The following FRMPD3 variants were observed in gnomAD, a reference collection of about 807,000 sequenced individuals.
FRMPD3 encodes the protein FERM and PDZ domain-containing protein 3.
Under a neutral mutation model 97.9 loss-of-function variants are expected in FRMPD3, and 42 were observed. That is an observed-to-expected ratio of 0.43 (90% confidence interval 0.34 to 0.55). The LOEUF (loss-of-function observed/expected upper bound fraction) is 0.55. Among genes scored for constraint, FRMPD3 ranks in the 20% least tolerant of loss-of-function variants. The pLI, the probability that FRMPD3 is intolerant of heterozygous loss-of-function variation, is 0.03. For synonymous variants in FRMPD3, 577 were observed against 581.1 expected (o/e 0.99, Z 0.10); for missense variants, 1,303 against 1,457.7 (o/e 0.89, Z 1.73).
At chrX:107,599,192 G>C in intron 14 of FRMPD3, among the ~76,000 whole-genome samples, 1 of 109,871 alleles carries the variant, frequency 9.1e-6, no homozygotes, top group Non-Finnish European at 1.9e-5. Context: ...AGAATCGCTT[G>C]AACCTGAGAG....
chrX:107,492,450 A>C (rs1181727375), intron 1 of FRMPD3, among the ~76,000 whole-genome samples: 1 of 111,838 alleles, frequency 8.9e-6, no homozygotes, highest in African/African-American at 3.3e-5. Context: ...AGAGATTAAT[A>C]GGTACCATGG....
At chrX:107,587,089 T>G (rs1299344709) in intron 13 of FRMPD3, among the ~76,000 whole-genome samples, 1 of 111,863 alleles carries the variant, frequency 8.9e-6, no homozygotes, top group Non-Finnish European at 1.9e-5. Flanking sequence ...AGTCTAAGTC[T>G]CTTCGTAGGT....
At position 107,602,440 on chromosome X, in the gene FRMPD3, C is replaced by T. The variant is rs367580716; in HGVS notation, c.4401C>T (p.Ala1467=). 5.0e-4 allele frequency: 605 copies of T among 1,209,369 alleles called. No individual in the cohort carries two copies. The highest frequency in any genetic ancestry group is 6.4e-4 in the Non-Finnish European group (573 of 894,876). The change falls in exon 15 of 15, where the codon GCC becomes GCT. Residue 1467 remains alanine (A), a synonymous_variant. Coordinates refer to ENST00000683843, the MANE Select transcript of FRMPD3 (RefSeq NM_001388459.1). ...AGACCAAAGGCCCCAGACAGATGGC[C>T]GTGTTCTCACTGCCCGAGGAGGTGT... is the stretch of plus-strand genomic sequence containing the variant. ...APETKGPRQM[A]VFSLPEEVYR... is the part of the protein sequence containing the mutation.
chrX:107,597,232 C>A, intron 13 of FRMPD3, 89 bp from the exon 14 acceptor site: 1 of 812,875 alleles, frequency 1.2e-6, no homozygotes, highest in Non-Finnish European at 1.8e-6. Flanking sequence ...CTTGATTGTG[C>A]TACAGAGACA....
rs773231357 is a variant in FRMPD3, at chrX:107,466,989, GGT to G, written c.-8+17018_-8+17019del. ...TCTGTTGAAATTGAGACAGGTTGGAGGTGTGTGTGTGTGTGTGTGTGTGTGTG... is the reference window on the plus strand; with the variant it reads ...TCTGTTGAAATTGAGACAGGTTGGAGGTGTGTGTGTGTGTGTGTGTGTGTG... On this transcript the variant is annotated intron_variant, in intron 1 of 14. Transcript: ENST00000683843. 5.3e-3 allele frequency among the ~76,000 whole-genome samples: 518 copies of G among 97,966 alleles called. 2 individuals carry two copies. Among genetic ancestry groups the G allele is most frequent in the African/African-American group, 0.012 (297 of 24,456 alleles). The allele number at this position is 97,966 out of a possible 115,157, so 85.1% of individuals were successfully genotyped here.
chrX:107,603,680 A>C lies in FRMPD3; in HGVS notation c.*307A>C. ...CTCTTCTCTGGGGCTGAGAGGTGACATCAGGCTCACTTCCTGCTCAATCCG... is the reference window on the plus strand; with the variant it reads ...CTCTTCTCTGGGGCTGAGAGGTGACCTCAGGCTCACTTCCTGCTCAATCCG... On this transcript the variant is annotated 3_prime_UTR_variant, in exon 15 of 15. Transcript: ENST00000683843. 4.3e-6 allele frequency: 1 copy of C among 231,770 alleles called. No individual in the cohort carries two copies. Among genetic ancestry groups the C allele is most frequent in the African/African-American group, 2.8e-5 (1 of 35,768 alleles). The allele number at this position is 231,770 out of a possible 1,213,427, so 19.1% of individuals were successfully genotyped here.
intron 1 of FRMPD3, among the ~76,000 whole-genome samples, chrX:107,480,915 AG>A (rs1382922574): frequency 9.6e-6 from 1 of 104,608 alleles, no homozygotes; most frequent in Non-Finnish European, 2.0e-5. Context: ...AAAGAAAGAA[AG>A]AAAGAAAGAA....
Position 107,602,662 on chromosome X carries a change from C to A in FRMPD3, c.4623C>A (p.Thr1541=), listed in dbSNP as rs1924590953. The A allele has an allele frequency of 8.3e-7, 1 of 1,209,138 alleles. No homozygotes were observed. The highest frequency in any genetic ancestry group is 1.7e-5 in the African/African-American group (1 of 57,628). The part of the protein sequence containing the change: ...DEQVVPVVSR[T]LQVLDAATCS... Reference sequence around the variant, plus strand: ...AGGTGGTGCCTGTGGTGAGCAGGACCCTGCAGGTGCTGGATGCTGCTACCT... The same window carrying A: ...AGGTGGTGCCTGTGGTGAGCAGGACACTGCAGGTGCTGGATGCTGCTACCT... Residue 1541 remains threonine, a synonymous_variant, in exon 15 of 15, where the codon ACC becomes ACA. Coordinates refer to ENST00000683843, the MANE Select transcript of FRMPD3 (RefSeq NM_001388459.1).
At chrX:107,527,625 G>A (rs1202557935) in intron 2 of FRMPD3, among the ~76,000 whole-genome samples, 2 of 112,424 alleles carry the variant, frequency 1.8e-5, no homozygotes, top group East Asian at 2.8e-4. Flanking sequence ...AATCTGCTAG[G>A]CATTGACAAA....
At chrX:107,492,296 G>A (rs1921678980) in intron 1 of FRMPD3, among the ~76,000 whole-genome samples, 2 of 111,690 alleles carry the variant, frequency 1.8e-5, no homozygotes, top group Admixed American at 1.9e-4. Context: ...CTATGTCTCT[G>A]CAGAGCTATT....
intron 1 of FRMPD3, among the ~76,000 whole-genome samples, chrX:107,509,057 G>T (rs1371473302): frequency 1.8e-5 from 2 of 111,652 alleles, no homozygotes; most frequent in Non-Finnish European, 3.8e-5. Flanking sequence ...TAATAGTATT[G>T]CTGTGCTCAT....
chrX:107,596,936 G>A (rs1038266587), intron 13 of FRMPD3, among the ~76,000 whole-genome samples: 1 of 111,699 alleles, frequency 9.0e-6, no homozygotes, highest in African/African-American at 3.3e-5. Flanking sequence ...GGGGACAGGG[G>A]TAGGAACAGT....
At chrX:107,480,950 A>G (rs1362850210) in intron 1 of FRMPD3, among the ~76,000 whole-genome samples, 3 of 109,037 alleles carry the variant, frequency 2.8e-5, no homozygotes, top group Non-Finnish European at 5.7e-5. Context: ...GAAAGAAAGA[A>G]AGAAAGAAAG....
chrX:107,565,335 C>T (rs1251751198), intron 12 of FRMPD3, among the ~76,000 whole-genome samples: 2 of 111,672 alleles, frequency 1.8e-5, no homozygotes, highest in Non-Finnish European at 3.8e-5. Context: ...GGCAGGGAAA[C>T]TGGAGAACTT....
At chrX:107,524,361 A>G (rs940802271) in intron 1 of FRMPD3, among the ~76,000 whole-genome samples, 1 of 111,884 alleles carries the variant, frequency 8.9e-6, no homozygotes, top group Non-Finnish European at 1.9e-5. Flanking sequence ...GTGACCATTT[A>G]TCTTAGTGGT....
chrX:107,505,397 ACTCCC>A, intron 1 of FRMPD3, among the ~76,000 whole-genome samples: 1 of 111,004 alleles, frequency 9.0e-6, no homozygotes, highest in Non-Finnish European at 1.9e-5. Flanking sequence ...CTCCATGCAG[ACTCCC>A]CTCCATGGAA....
rs947629074 is a variant in FRMPD3, at chrX:107,449,867, G to A, written c.-146G>A. On this transcript the variant is annotated 5_prime_UTR_variant, in exon 1 of 15. Coordinates refer to ENST00000683843, the MANE Select transcript of FRMPD3 (RefSeq NM_001388459.1). ...CGCCACTGAGCCCCAAGCCCATGCC[G>A]GGCTCGGGGGCACGGGTGCCCTAGT... is the stretch of plus-strand genomic sequence containing the variant. 1.8e-5 allele frequency among the ~76,000 whole-genome samples: 2 copies of A among 108,653 alleles called. No individual in the cohort carries two copies. The highest frequency in any genetic ancestry group is 3.9e-5 in the Non-Finnish European group (2 of 51,758). The allele number at this position is 108,653 out of a possible 115,157, so 94.4% of individuals were successfully genotyped here. A position where few individuals can be genotyped will look rare whatever the true frequency, so the allele number is the denominator to read the frequency against.
intron 1 of FRMPD3, among the ~76,000 whole-genome samples, chrX:107,451,262 C>T (rs1469592735): frequency 8.9e-6 from 1 of 112,304 alleles, no homozygotes; most frequent in African/African-American, 3.2e-5. Flanking sequence ...TCTCTGGACT[C>T]CTGCCTTCGG....
At chrX:107,454,334 A>G (rs769241596) in intron 1 of FRMPD3, among the ~76,000 whole-genome samples, 1 of 111,261 alleles carries the variant, frequency 9.0e-6, no homozygotes, top group South Asian at 3.8e-4. Context: ...CCATTTCTCT[A>G]GCCCAAACTT....
Sources: allele counts gnomAD v4.1 joint callset (sites outside exome capture counted in the v4.1 genomes callset), GRCh38; gene constraint gnomAD v4.1.1; transcripts MANE v1.5; gene names NCBI Gene and HGNC (gene_info 2026-07-23, HGNC 2026-07-21).